LTBP1: variants seen among roughly 807,000 people sequenced by gnomAD.
LTBP1 encodes latent-transforming growth factor beta-binding protein 1.
In LTBP1, 129 loss-of-function variants were observed where a neutral mutation model predicts 207.6. The ratio of observed to expected loss-of-function variants is 0.62; its 90% confidence interval spans 0.54 to 0.72. The LOEUF is 0.72. Among genes scored for constraint, LTBP1 ranks in the 30% least tolerant of loss-of-function variants. The probability of loss-of-function intolerance (pLI) is 0.00; values close to 1 mark genes in which losing one functional copy is unlikely to be tolerated. For missense variants in LTBP1, 2,281 were observed against 2,217.2 expected (o/e 1.03, Z -0.58); for synonymous variants, 963 against 833.7 (o/e 1.16, Z -2.67).
intron 2 of LTBP1, 48 bp from the exon 3 acceptor site, chr2:33,020,861 T>C (rs369744564): frequency 1.3e-6 from 2 of 1,495,914 alleles, no homozygotes; most frequent in African/African-American, 2.8e-5. Flanking sequence ...AATTAGGAAG[T>C]CTACAATGTT....
At chr2:33,214,629 A>G (rs1282281882) in intron 7 of LTBP1, among the ~76,000 whole-genome samples, 1 of 152,162 alleles carries the variant, frequency 6.6e-6, no homozygotes, top group Non-Finnish European at 1.5e-5. Flanking sequence ...CTTTGCTGAG[A>G]GCCCTGTCTT....
At chr2:33,248,961 A>T (rs2092594701) in intron 10 of LTBP1, among the ~76,000 whole-genome samples, 1 of 151,716 alleles carries the variant, frequency 6.6e-6, no homozygotes, top group Admixed American at 6.6e-5. Context: ...TGCCTCTCAG[A>T]CTCCTCAAAG....
chr2:32,970,055 T>C lies in LTBP1; in HGVS notation c.565+21110T>C, dbSNP rs372910647. 2.4e-4 allele frequency among the ~76,000 whole-genome samples: 36 copies of C among 152,320 alleles called. No homozygotes were observed. In the South Asian group the frequency reaches 3.3e-3, roughly 14 times the overall value. ...AGCATTTTTCATGATTGTTGCTGCA[T>C]TTATATCTTCTTTTAAAAAAATGTC... is the stretch of plus-strand genomic sequence containing the variant. On this transcript the variant is annotated intron_variant, in intron 2 of 33. Transcript: ENST00000404816.
intron 24 of LTBP1, among the ~76,000 whole-genome samples, chr2:33,328,039 G>A (rs903626499): frequency 1.1e-4 from 16 of 151,926 alleles, no homozygotes; most frequent in Admixed American, 3.9e-4. Context: ...GGAGGCTGAG[G>A]CAGGAGAATT....
At chr2:33,308,589 A>G (rs1185218894) in intron 22 of LTBP1, among the ~76,000 whole-genome samples, 2 of 152,328 alleles carry the variant, frequency 1.3e-5, no homozygotes, top group Middle Eastern at 3.4e-3. Context: ...CTAAATGCAT[A>G]TGACCCCTAA....
At chr2:33,250,736 A>G (rs952711783) in intron 10 of LTBP1, among the ~76,000 whole-genome samples, 2 of 151,942 alleles carry the variant, frequency 1.3e-5, no homozygotes, top group African/African-American at 4.8e-5. Flanking sequence ...TCCCACACAC[A>G]CCTTCTGAGT....
intron 9 of LTBP1, among the ~76,000 whole-genome samples, chr2:33,230,405 C>G (rs1042018666): frequency 6.6e-6 from 1 of 151,982 alleles, no homozygotes. Flanking sequence ...ATTATCTTTT[C>G]AAAGGGATGA....
intron 10 of LTBP1, among the ~76,000 whole-genome samples, chr2:33,250,117 G>A (rs908771283): frequency 7.2e-5 from 11 of 152,218 alleles, no homozygotes; most frequent in Non-Finnish European, 1.2e-4. Context: ...CATATTGACC[G>A]GAGTGTGAAA....
chr2:33,192,579 C>G (rs1283900906), intron 7 of LTBP1, among the ~76,000 whole-genome samples: 1 of 150,848 alleles, frequency 6.6e-6, no homozygotes, highest in East Asian at 1.9e-4. Context: ...GAAAGAGACA[C>G]AAAAAATAAG....
chr2:32,964,315 T>A (rs191830014), intron 2 of LTBP1, among the ~76,000 whole-genome samples: 3 of 152,328 alleles, frequency 2.0e-5, no homozygotes, highest in African/African-American at 7.2e-5. Flanking sequence ...AAGGAGCTGG[T>A]TTGCTTGTCC....
At chr2:32,954,947 C>G (rs1196824282) in intron 2 of LTBP1, among the ~76,000 whole-genome samples, 1 of 152,172 alleles carries the variant, frequency 6.6e-6, no homozygotes, top group Non-Finnish European at 1.5e-5. Flanking sequence ...TGCCTCTGGC[C>G]ATTTTTACTG....
At chr2:33,283,431 T>C (rs2093602287) in intron 19 of LTBP1, among the ~76,000 whole-genome samples, 1 of 119,416 alleles carries the variant, frequency 8.4e-6, no homozygotes, top group Non-Finnish European at 1.9e-5. Flanking sequence ...TAAAGACTTT[T>C]TTTTTTTTTT....
At chr2:33,304,452 G>A (rs1052230532) in intron 22 of LTBP1, among the ~76,000 whole-genome samples, 6 of 152,168 alleles carry the variant, frequency 3.9e-5, no homozygotes, top group Admixed American at 6.5e-5. Context: ...AATGGTTCTG[G>A]CAAAGACCTT....
chr2:33,368,605 C>T (rs2095029628), intron 31 of LTBP1, among the ~76,000 whole-genome samples: 2 of 152,302 alleles, frequency 1.3e-5, no homozygotes, highest in South Asian at 4.1e-4. Flanking sequence ...TGGCTGGCAC[C>T]ATGGCTTACG....
intron 2 of LTBP1, among the ~76,000 whole-genome samples, chr2:32,976,761 A>AG (rs1681851625): frequency 6.6e-6 from 1 of 152,016 alleles, no homozygotes. Context: ...CTGTGGAGGG[A>AG]GGCACACTCC....
rs548571079 is a variant in LTBP1 at position 33,012,723 on chromosome 2, A to G, written c.566-8186A>G. 4.2e-4 allele frequency among the ~76,000 whole-genome samples: 64 copies of G among 152,354 alleles called. No homozygotes were observed. In the South Asian group the frequency reaches 0.013, roughly 30 times the overall value. On this transcript the variant is annotated intron_variant, in intron 2 of 33. Transcript: ENST00000404816. ...AGATAACATGGATGGGATTAAAACA[A>G]ATTTAAAGATTATTTAGAAAGGTAT...
chr2:33,022,960 A>C (rs2149243124), intron 3 of LTBP1, among the ~76,000 whole-genome samples: 1 of 152,280 alleles, frequency 6.6e-6, no homozygotes, highest in South Asian at 2.1e-4. Context: ...GGCCATAGGA[A>C]AGCAGGCTGT....
At chr2:33,351,599 C>G (rs560722702) in intron 26 of LTBP1, among the ~76,000 whole-genome samples, 63 of 152,316 alleles carry the variant, frequency 4.1e-4, no homozygotes, top group African/African-American at 1.5e-3. Context: ...GAACCGTTTT[C>G]CATTTGACCT....
Position 33,080,661 on chromosome 2 carries a change from A to G in LTBP1, c.864-29921A>G, listed in dbSNP as rs372757446. On this transcript the variant is annotated intron_variant, in intron 3 of 33. Coordinates refer to ENST00000404816, the MANE Select transcript of LTBP1 (RefSeq NM_206943.4). ...TCTTTACTGATTTGTTCATGTATTT[A>G]ATTTTTCCCATTTATTCCCTGAATA... Among the ~76,000 whole-genome samples, 6 of 152,264 alleles carry G rather than the reference A, an allele frequency of 3.9e-5. No individual in the cohort carries two copies. In the East Asian group the frequency reaches 1.2e-3, roughly 29 times the overall value.
Sources: gnomAD v4.1 joint callset for allele counts (sites outside exome capture counted in the v4.1 genomes callset) on GRCh38, gnomAD v4.1.1 for gene constraint, MANE v1.5 for transcripts, NCBI Gene and HGNC (gene_info 2026-07-23, HGNC 2026-07-21) for gene names.